Variants in BCL2L13 observed in about 807,000 individuals in gnomAD.
BCL2L13 encodes bcl-2-like protein 13.
BCL2L13 carries 13 observed loss-of-function variants against 25.8 expected under a neutral mutation model. The ratio of observed to expected loss-of-function variants is 0.50; its 90% CI spans 0.33 to 0.80. The LOEUF (loss-of-function observed/expected upper bound fraction) is 0.80, where lower values mean the gene tolerates loss of function less well. Ranked by LOEUF, BCL2L13 falls within the 30% of genes least tolerant of loss-of-function variation. BCL2L13 has a pLI of 0.02. For missense variants in BCL2L13, 504 were observed against 574.9 expected (o/e 0.88, Z 1.26); for synonymous variants, 244 against 230.3 (o/e 1.06, Z -0.54).
chr22:17,692,223 G>A (rs892880417), intron 4 of BCL2L13: 1 of 152,176 alleles, frequency 6.6e-6, no homozygotes, highest in Non-Finnish European at 1.5e-5. Flanking sequence ...TATTCTAATA[G>A]CTCACTAGGT....
intron 5 of BCL2L13, among the ~76,000 whole-genome samples, chr22:17,701,956 A>G (rs1478706274): frequency 6.6e-6 from 1 of 151,712 alleles, no homozygotes; most frequent in East Asian, 1.9e-4. Context: ...TAATTAATTA[A>G]TAATGCATCA....
intron 4 of BCL2L13, among the ~76,000 whole-genome samples, chr22:17,692,893 C>T (rs1378327546): frequency 1.3e-5 from 2 of 151,980 alleles, no homozygotes; most frequent in Non-Finnish European, 2.9e-5. Context: ...AACATGTATT[C>T]AGTACAAAAA....
chr22:17,686,897 T>C (rs2145606917), intron 3 of BCL2L13, among the ~76,000 whole-genome samples: 1 of 152,296 alleles, frequency 6.6e-6, no homozygotes, highest in Admixed American at 6.5e-5. Flanking sequence ...CATAGTAAAA[T>C]GGGCAAAAGG....
intron 1 of BCL2L13, among the ~76,000 whole-genome samples, chr22:17,631,694 A>ATT (rs2058028139): frequency 2.6e-5 from 1 of 38,532 alleles, no homozygotes; most frequent in African/African-American, 7.3e-5. Context: ...ATATATATAT[A>ATT]TATATATATA....
At chr22:17,675,589 A>G (rs915741058) in intron 2 of BCL2L13, among the ~76,000 whole-genome samples, 1 of 152,208 alleles carries the variant, frequency 6.6e-6, no homozygotes, top group Non-Finnish European at 1.5e-5. Context: ...TCTTAAAAGC[A>G]CGTTCATTCA....
At chr22:17,666,125 A>G (rs1285249818) in intron 2 of BCL2L13, among the ~76,000 whole-genome samples, 1 of 152,158 alleles carries the variant, frequency 6.6e-6, no homozygotes, top group East Asian at 1.9e-4. Context: ...CAACATAGCT[A>G]TTCTAGGGGA....
At chr22:17,710,766 A>G (rs979523234) in intron 6 of BCL2L13, among the ~76,000 whole-genome samples, 66 of 148,340 alleles carry the variant, frequency 4.4e-4, no homozygotes, top group Middle Eastern at 3.7e-3. Flanking sequence ...AGTTCCAGCT[A>G]CTCGGGAGGC....
upstream of BCL2L13, chr22:17,638,691 C>T (rs998246049): frequency 2.4e-6 from 3 of 1,231,724 alleles, no homozygotes; most frequent in African/African-American, 3.1e-5. Flanking sequence ...GATACCGTTC[C>T]GGATGTCAGG....
chr22:17,719,846 A>AAC (rs1555897106), intron 6 of BCL2L13, among the ~76,000 whole-genome samples: 26,796 of 128,422 alleles, frequency 0.21, 3,783 homozygotes, highest in East Asian at 0.51. Context: ...AAAAAAAAAA[A>AAC]AAAAGAATGA....
intron 6 of BCL2L13, among the ~76,000 whole-genome samples, chr22:17,718,732 T>TA (rs1569011984): frequency 6.6e-6 from 1 of 152,196 alleles, no homozygotes; most frequent in African/African-American, 2.4e-5. Flanking sequence ...TTAATTAGCA[T>TA]AGACTACTAG....
chr22:17,683,031 G>T (rs1161649247), intron 2 of BCL2L13, among the ~76,000 whole-genome samples, 183 bp from the exon 3 acceptor site: 4 of 151,904 alleles, frequency 2.6e-5, no homozygotes, highest in Non-Finnish European at 4.4e-5. Flanking sequence ...TACTTGGGAG[G>T]CTGAGGCAGG....
chr22:17,643,536 C>A (rs16980986), intron 1 of BCL2L13, among the ~76,000 whole-genome samples: 2,268 of 152,218 alleles, frequency 0.015, 58 homozygotes, highest in African/African-American at 0.05. Flanking sequence ...AAAAAAATTC[C>A]CTGTTCAAGC....
At chr22:17,682,180 C>G (rs897126225) in intron 2 of BCL2L13, among the ~76,000 whole-genome samples, 2 of 152,078 alleles carry the variant, frequency 1.3e-5, no homozygotes, top group Admixed American at 1.3e-4. Context: ...ATTTAGAAAA[C>G]TTAGTAGCAA....
intron 2 of BCL2L13, among the ~76,000 whole-genome samples, chr22:17,682,899 C>T (rs1224332729): frequency 2.0e-5 from 3 of 152,064 alleles, no homozygotes; most frequent in East Asian, 1.9e-4. Flanking sequence ...TTTGGGAGGC[C>T]GAGGCAGGCG....
At chr22:17,634,216 C>CA (rs1197626538), upstream of BCL2L13, among the ~76,000 whole-genome samples, 1 of 152,036 alleles carries the variant, frequency 6.6e-6, no homozygotes, top group East Asian at 1.9e-4. Context: ...GACGGAGTCT[C>CA]ACTCTGTTGC....
At chr22:17,674,382 G>A (rs1023832840) in intron 2 of BCL2L13, among the ~76,000 whole-genome samples, 10 of 152,040 alleles carry the variant, frequency 6.6e-5, no homozygotes, top group African/African-American at 1.2e-4. Context: ...TGAGGCGGGC[G>A]GATCACAAGG....
intron 6 of BCL2L13, among the ~76,000 whole-genome samples, chr22:17,721,500 T>A (rs1423111823): frequency 6.6e-6 from 1 of 151,608 alleles, no homozygotes; most frequent in African/African-American, 2.4e-5. Flanking sequence ...TAGTTTTTTT[T>A]TTTAAGTCAT....
intron 3 of BCL2L13, among the ~76,000 whole-genome samples, chr22:17,687,818 CTTTT>C (rs368432610): frequency 1.5e-5 from 2 of 130,706 alleles, no homozygotes; most frequent in African/African-American, 2.8e-5. Flanking sequence ...CACCCGGCCC[CTTTT>C]TTTTTTTTTT....
chr22:17,648,793 A>C (rs2058579335), intron 1 of BCL2L13, among the ~76,000 whole-genome samples: 1 of 152,186 alleles, frequency 6.6e-6, no homozygotes, highest in Non-Finnish European at 1.5e-5. Context: ...AGAAAATTTG[A>C]GGAACATTAG....
Sources: allele counts gnomAD v4.1 joint callset (sites outside exome capture counted in the v4.1 genomes callset), GRCh38; gene constraint gnomAD v4.1.1; transcripts MANE v1.5; gene names NCBI Gene and HGNC (gene_info 2026-07-23, HGNC 2026-07-21).